KAZN: variants seen among roughly 807,000 people sequenced by gnomAD.
KAZN encodes kazrin, periplakin interacting protein.
Under a neutral mutation model 87.4 loss-of-function variants are expected in KAZN, and 40 were observed. The observed-to-expected ratio is 0.46, with a 90% CI of 0.36 to 0.60. The LOEUF (loss-of-function observed/expected upper bound fraction) is 0.60. KAZN is among the 20% of genes least tolerant of loss of function. The pLI, the probability that KAZN is intolerant of heterozygous loss-of-function variation, is 0.00. For missense variants in KAZN, 898 were observed against 1,073.9 expected, an observed-to-expected ratio of 0.84 and a Z score of 2.29; for synonymous variants, 466 against 458.3, an observed-to-expected ratio of 1.02 and a Z score of -0.22.
At chr1:14,249,276 G>A (rs537352987) in intron 2 of KAZN, among the ~76,000 whole-genome samples, 4 of 152,172 alleles carry the variant, frequency 2.6e-5, no homozygotes, top group East Asian at 3.9e-4. Context: ...TTGATTATTC[G>A]GTAAAACTCC....
intron 1 of KAZN, among the ~76,000 whole-genome samples, chr1:14,830,078 G>A (rs1647010673): frequency 6.6e-6 from 1 of 152,208 alleles, no homozygotes; most frequent in Non-Finnish European, 1.5e-5. Context: ...GGTGTTGGGG[G>A]AGTAGTTATA....
chr1:14,086,911 C>T (rs552640990), intron 1 of KAZN, among the ~76,000 whole-genome samples: 11 of 152,308 alleles, frequency 7.2e-5, no homozygotes, highest in African/African-American at 9.6e-5. Flanking sequence ...TATGCAAATG[C>T]TACACAGTCT....
chr1:14,686,016 G>A (rs546966827), intron 1 of KAZN, among the ~76,000 whole-genome samples: 36 of 152,280 alleles, frequency 2.4e-4, no homozygotes, highest in Admixed American at 8.5e-4. Context: ...GAATTTGAAT[G>A]TCTTCCTCTT....
At chr1:14,168,751 C>T (rs573294798) in intron 1 of KAZN, among the ~76,000 whole-genome samples, 54 of 152,294 alleles carry the variant, frequency 3.5e-4, no homozygotes, top group South Asian at 6.2e-4. Context: ...TTCACAGGTA[C>T]GAGGTTGTGT....
chr1:14,736,444 A>C (rs1643909528), intron 1 of KAZN, among the ~76,000 whole-genome samples: 1 of 144,828 alleles, frequency 6.9e-6, no homozygotes, highest in South Asian at 2.2e-4. Context: ...GATTACAGGC[A>C]TGTGCCACCA....
At chr1:15,012,455 G>A (rs1302689125) in intron 2 of KAZN, among the ~76,000 whole-genome samples, 1 of 152,178 alleles carries the variant, frequency 6.6e-6, no homozygotes, top group Non-Finnish European at 1.5e-5. Flanking sequence ...TCACCGCTGG[G>A]TTGATGCAAC....
chr1:14,977,791 G>A (rs996409415), intron 2 of KAZN, among the ~76,000 whole-genome samples: 1 of 152,170 alleles, frequency 6.6e-6, no homozygotes, highest in African/African-American at 2.4e-5. Flanking sequence ...CAGTTTTCTG[G>A]TGGGAGCTCC....
chr1:14,498,190 G>A (rs116513770), intron 2 of KAZN, among the ~76,000 whole-genome samples: 2,863 of 152,270 alleles, frequency 0.019, 50 homozygotes, highest in East Asian at 0.049. Context: ...TCCATGGCTC[G>A]TCAGTGTTCT....
intron 1 of KAZN, among the ~76,000 whole-genome samples, chr1:14,822,273 A>G (rs1300958243): frequency 2.6e-5 from 4 of 152,206 alleles, no homozygotes; most frequent in Non-Finnish European, 4.4e-5. Flanking sequence ...GCAGGGAAAG[A>G]GGCTGGACTA....
rs114078808 is a variant in KAZN, at chr1:14,681,229, A to C, written c.226+82006A>C. ...GGTTTGGGTGGGGACAAATACCTAC[A>C]CTATATCATGTGGCTATGCCACAGT... On this transcript the variant is annotated intron_variant, in intron 1 of 14. Coordinates refer to ENST00000376030, the MANE Select transcript of KAZN (RefSeq NM_201628.3). Among the ~76,000 whole-genome samples, 1,237 of 152,288 alleles carry C rather than the reference A, an allele frequency of 8.1e-3. 21 individuals are homozygous for C. Among genetic ancestry groups the C allele is most frequent in the African/African-American group, 0.027 (1,138 of 41,560 alleles).
At chr1:14,185,995 T>A (rs1334882414) in intron 2 of KAZN, among the ~76,000 whole-genome samples, 1 of 152,170 alleles carries the variant, frequency 6.6e-6, no homozygotes. Flanking sequence ...ATTCATTGTA[T>A]TCTGAAGGAA....
At position 13,910,110 on chromosome 1, in the gene KAZN, G is replaced by T. The variant is rs549950469; in HGVS notation, c.91+16354G>T. On this transcript the variant is annotated intron_variant, in intron 1 of 16. Transcript: ENST00000636203. ...CCCGCAATGTTGGAAGTGTGGCCTG[G>T]GGGGAGGTGATTGGATCATAAAGGC... is the stretch of plus-strand genomic sequence containing the variant. Among the ~76,000 whole-genome samples the T allele has an allele frequency of 9.3e-4, 142 of 152,276 alleles. 1 individual carries two copies. Among genetic ancestry groups the T allele is most frequent in the African/African-American group, 3.2e-3 (135 of 41,540 alleles).
intron 14 of KAZN, 112 bp from the exon 15 acceptor site, chr1:15,114,359 A>C (rs1299943587): frequency 1.2e-6 from 1 of 847,590 alleles, no homozygotes. Context: ...CACAGAGGTT[A>C]AGTAAGTTAC....
chr1:13,916,017 G>A (rs1269784334), intron 1 of KAZN, among the ~76,000 whole-genome samples: 3 of 152,168 alleles, frequency 2.0e-5, no homozygotes, highest in African/African-American at 2.4e-5. Flanking sequence ...GTTGGGGGCC[G>A]GGGAGTGGGG....
At chr1:14,449,229 T>C (rs925980453) in intron 2 of KAZN, among the ~76,000 whole-genome samples, 2 of 152,226 alleles carry the variant, frequency 1.3e-5, no homozygotes, top group Admixed American at 1.3e-4. Flanking sequence ...CTCCTCCTTT[T>C]CTCTGATGTC....
At chr1:14,934,350 G>A (rs1660197493) in intron 1 of KAZN, among the ~76,000 whole-genome samples, 1 of 151,794 alleles carries the variant, frequency 6.6e-6, no homozygotes, top group African/African-American at 2.4e-5. Flanking sequence ...GGGATTACAG[G>A]CGCCTGCCAC....
At position 15,094,998 on chromosome 1, in the gene KAZN, C is replaced by A; in HGVS notation, c.1547+65C>A. On this transcript the variant is annotated intron_variant, in intron 10 of 14. Coordinates refer to ENST00000376030, the MANE Select transcript of KAZN (RefSeq NM_201628.3). The surrounding 1 kb of genome is among the most constrained non-coding windows in gnomAD (Gnocchi z 4.5). ...AGTCATCCTGAGGCCTTTGGTCACA[C>A]AGGTGGGGTGAGCGGGGCACTGTGG... The A allele has an allele frequency of 1.7e-6, 2 of 1,166,424 alleles. No individual in the cohort carries two copies. Among genetic ancestry groups the A allele is most frequent in the South Asian group, 1.3e-5 (1 of 74,360 alleles). 72.3% of individuals were successfully genotyped at this position (1,166,424 alleles called of 1,614,324 possible). A position where few individuals can be genotyped will look rare whatever the true frequency, so the allele number is the denominator to read the frequency against.
intron 2 of KAZN, among the ~76,000 whole-genome samples, chr1:14,505,773 C>T (rs895294097): frequency 6.6e-5 from 10 of 152,104 alleles, no homozygotes; most frequent in South Asian, 2.1e-4. Context: ...CAGGAGTTTG[C>T]GACCAGCCTG....
intron 1 of KAZN, among the ~76,000 whole-genome samples, chr1:13,931,904 C>T (rs1489042219): frequency 6.6e-6 from 1 of 152,016 alleles, no homozygotes; most frequent in Non-Finnish European, 1.5e-5. Flanking sequence ...GTGGCACGAT[C>T]TTGGCTCACT....
Sources: gnomAD v4.1 joint callset for allele counts (sites outside exome capture counted in the v4.1 genomes callset) on GRCh38, gnomAD v4.1.1 for gene constraint, Gnocchi (gnomAD v3.1) non-coding constraint, MANE v1.5 for transcripts, NCBI Gene and HGNC (gene_info 2026-07-23, HGNC 2026-07-21) for gene names.